TMEM74: variants seen among roughly 807,000 people sequenced by gnomAD.
TMEM74 encodes the protein transmembrane protein 74.
In TMEM74, 13 loss-of-function variants were observed where a neutral mutation model predicts 18.1. The ratio of observed to expected loss-of-function variants is 0.72; its 90% CI spans 0.47 to 1.14. TMEM74 has a LOEUF of 1.14. TMEM74 is among the 50% of genes most tolerant of loss of function. The probability of loss-of-function intolerance (pLI) is 0.00; values close to 1 mark genes in which losing one functional copy is unlikely to be tolerated. For synonymous variants in TMEM74, 159 were observed against 146.6 expected (o/e 1.08, Z -0.61); for missense variants, 372 against 375.9 (o/e 0.99, Z 0.09).
intron 1 of TMEM74, among the ~76,000 whole-genome samples, chr8:108,662,439 A>G (rs1024833749): frequency 6.6e-6 from 1 of 152,030 alleles, no homozygotes; most frequent in Non-Finnish European, 1.5e-5. Context: ...GAGAACTTTA[A>G]GGAAAGGGAG....
intron 2 of TMEM74, among the ~76,000 whole-genome samples, chr8:108,653,556 A>G (rs755798704): frequency 6.6e-6 from 1 of 152,188 alleles, no homozygotes; most frequent in Non-Finnish European, 1.5e-5. Flanking sequence ...ATTAGCCCAA[A>G]ACCACATGGC....
At chr8:108,631,732 T>G (rs1044487860) in intron 2 of TMEM74, among the ~76,000 whole-genome samples, 1 of 152,040 alleles carries the variant, frequency 6.6e-6, no homozygotes, top group East Asian at 1.9e-4. Context: ...ATTTGTCAAC[T>G]TTTGCTTTTG....
intron 2 of TMEM74, among the ~76,000 whole-genome samples, chr8:108,636,044 C>T (rs748671413): frequency 2.1e-4 from 32 of 151,996 alleles, no homozygotes; most frequent in Non-Finnish European, 2.4e-4. Context: ...CCAGAAAGTC[C>T]GGTAGACATT....
At chr8:108,746,745 G>A (rs911052817) in intron 1 of TMEM74, among the ~76,000 whole-genome samples, 3 of 152,032 alleles carry the variant, frequency 2.0e-5, no homozygotes, top group Non-Finnish European at 4.4e-5. Flanking sequence ...AGGGTCTGGA[G>A]GTTGAGACCA....
intron 1 of TMEM74, among the ~76,000 whole-genome samples, chr8:108,698,214 A>G (rs1813300567): frequency 6.6e-6 from 1 of 152,224 alleles, no homozygotes; most frequent in Non-Finnish European, 1.5e-5. Flanking sequence ...TACTTTTATA[A>G]GGTCACACAA....
At position 108,784,890 on chromosome 8, in the gene TMEM74, G is replaced by C; in HGVS notation, c.209C>G (p.Ser70Cys). The change falls in exon 2 of 2, where the codon TCT (serine) becomes TGT (cysteine). Residue 70 changes from serine to cysteine, a missense_variant. By Grantham distance (112) the Ser-to-Cys change is moderately radical. Coordinates refer to ENST00000297459, the MANE Select transcript of TMEM74 (RefSeq NM_153015.3). Reference sequence around the variant, plus strand: ...TGGCTGAAGAGTACTGTTTTGCAGAGAGGAGGAGGGGGATGCTGGAGAAGA... The same window carrying C: ...TGGCTGAAGAGTACTGTTTTGCAGACAGGAGGAGGGGGATGCTGGAGAAGA... Reference protein sequence around the residue: ...LSSSPASPSSSLQNSTLQPDA... With the variant: ...LSSSPASPSSCLQNSTLQPDA... 6.2e-7 allele frequency: 1 copy of C among 1,614,174 alleles called. No homozygotes were observed. Among genetic ancestry groups the C allele is most frequent in the Non-Finnish European group, 8.5e-7 (1 of 1,180,036 alleles).
chr8:108,681,771 C>T (rs1586259012), intron 1 of TMEM74, among the ~76,000 whole-genome samples: 1 of 151,840 alleles, frequency 6.6e-6, no homozygotes, highest in East Asian at 1.9e-4. Context: ...TATAAACATG[C>T]CAAATGCCAC....
At chr8:108,631,225 A>G (rs1367864837) in intron 2 of TMEM74, among the ~76,000 whole-genome samples, 1 of 151,986 alleles carries the variant, frequency 6.6e-6, no homozygotes, top group East Asian at 1.9e-4. Flanking sequence ...AGCTCTAGCA[A>G]TCTAACACAG....
chr8:108,775,270 C>A (rs779338550), downstream of TMEM74, among the ~76,000 whole-genome samples: 12 of 152,118 alleles, frequency 7.9e-5, no homozygotes, highest in Non-Finnish European at 1.0e-4. Flanking sequence ...TTCCAAGGCC[C>A]CTCATTCAAG....
chr8:108,639,707 C>G (rs1812643573), intron 2 of TMEM74, among the ~76,000 whole-genome samples: 1 of 152,038 alleles, frequency 6.6e-6, no homozygotes, highest in Admixed American at 6.6e-5. Context: ...TAATGCCCCT[C>G]CAGTCATAAT....
chr8:108,636,827 T>C (rs959958199), intron 2 of TMEM74, among the ~76,000 whole-genome samples: 2 of 151,860 alleles, frequency 1.3e-5, no homozygotes, highest in Admixed American at 6.6e-5. Context: ...ATTCTGGGCA[T>C]CCAGATCTCT....
chr8:108,710,485 G>A lies in TMEM74; in HGVS notation n.120-55048C>T, dbSNP rs569710315. 2.0e-5 allele frequency among the ~76,000 whole-genome samples: 3 copies of A among 152,344 alleles called. No individual in the cohort carries two copies. In the South Asian group the frequency reaches 6.2e-4, roughly 32 times the overall value. ...ACAACTAAGCCAACTGTTATGGCCA[G>A]GGTTAGGTTCCAGCTCATGCTGAGG... On this transcript the variant is annotated intron_variant and non_coding_transcript_variant, in intron 1 of 3. Transcript: ENST00000518838.
intron 1 of TMEM74, among the ~76,000 whole-genome samples, chr8:108,731,913 GA>G (rs553398745): frequency 3.4e-4 from 50 of 146,226 alleles, no homozygotes; most frequent in South Asian, 2.0e-3. Flanking sequence ...GGGAAGTATG[GA>G]AAAAAAAAAG....
At chr8:108,680,102 T>C (rs1294077065) in intron 1 of TMEM74, among the ~76,000 whole-genome samples, 5 of 152,180 alleles carry the variant, frequency 3.3e-5, no homozygotes, top group African/African-American at 1.2e-4. Context: ...GAGGAGCTGA[T>C]ACCATTCCTT....
At chr8:108,662,134 G>A (rs1379235229) in intron 1 of TMEM74, among the ~76,000 whole-genome samples, 1 of 152,098 alleles carries the variant, frequency 6.6e-6, no homozygotes, top group East Asian at 1.9e-4. Flanking sequence ...GGATTTGGGA[G>A]ATAGAGCCTT....
At chr8:108,725,982 T>C (rs1813633240) in intron 1 of TMEM74, among the ~76,000 whole-genome samples, 1 of 152,168 alleles carries the variant, frequency 6.6e-6, no homozygotes, top group Non-Finnish European at 1.5e-5. Context: ...AATTTTTGTA[T>C]ACCATGTGAG....
chr8:108,665,449 C>A (rs1812940606), intron 1 of TMEM74, among the ~76,000 whole-genome samples: 1 of 152,000 alleles, frequency 6.6e-6, no homozygotes. Flanking sequence ...TTGCCTACAA[C>A]AAGGAGAGCA....
At chr8:108,714,365 TG>T (rs748766196) in intron 1 of TMEM74, among the ~76,000 whole-genome samples, 2 of 152,154 alleles carry the variant, frequency 1.3e-5, no homozygotes, top group Non-Finnish European at 2.9e-5. Flanking sequence ...TACAATTGTA[TG>T]GAGTTCAAAA....
At chr8:108,736,207 C>T (rs1813748611) in intron 1 of TMEM74, among the ~76,000 whole-genome samples, 1 of 152,104 alleles carries the variant, frequency 6.6e-6, no homozygotes, top group South Asian at 2.1e-4. Flanking sequence ...TGACTGTTAA[C>T]ATAAGAAAGT....
Sources: gnomAD v4.1 joint callset for allele counts (sites outside exome capture counted in the v4.1 genomes callset) on GRCh38, gnomAD v4.1.1 for gene constraint, MANE v1.5 for transcripts, NCBI Gene and HGNC (gene_info 2026-07-23, HGNC 2026-07-21) for gene names.